Variants in RBM26 observed in about 807,000 individuals in gnomAD.
The protein encoded by RBM26 is RNA-binding protein 26.
RBM26 carries 30 observed loss-of-function variants against 123.6 expected under a neutral mutation model. The observed-to-expected ratio is 0.24, with a 90% CI of 0.18 to 0.33. The LOEUF (loss-of-function observed/expected upper bound fraction) is 0.33. RBM26 is among the 10% of genes least tolerant of loss of function. The pLI is 1.00. For synonymous variants in RBM26, 400 were observed against 404.4 expected (o/e 0.99, Z 0.13); for missense variants, 947 against 1,203.6 (o/e 0.79, Z 3.15).
At chr13:79,313,284 G>A (rs973103416) in exon 5 of RBM26, 7 of 151,746 alleles carry the variant, frequency 4.6e-5, no homozygotes, top group Non-Finnish European at 7.4e-5. Flanking sequence ...TTAAAAAAGC[G>A]CAGTGATCTT....
At chr13:79,378,390 G>A (rs1188290667) in intron 2 of RBM26, among the ~76,000 whole-genome samples, 1 of 151,916 alleles carries the variant, frequency 6.6e-6, no homozygotes, top group Non-Finnish European at 1.5e-5. Context: ...TTAAAATTAG[G>A]GCTTCTTACC....
chr13:79,405,051 A>G (rs1261520800), intron 1 of RBM26, among the ~76,000 whole-genome samples: 1 of 152,244 alleles, frequency 6.6e-6, no homozygotes, highest in Non-Finnish European at 1.5e-5. Flanking sequence ...AGACTATTTC[A>G]GCACTCTAAC....
At chr13:79,375,035 AT>A (rs36014800) in intron 3 of RBM26, among the ~76,000 whole-genome samples, 50,825 of 136,832 alleles carry the variant, frequency 0.37, 10,880 homozygotes, top group Middle Eastern at 0.54. Flanking sequence ...TATTTTATAC[AT>A]TTTTTATATA....
chr13:79,364,722 C>T (rs999071906), intron 9 of RBM26, among the ~76,000 whole-genome samples: 3 of 145,282 alleles, frequency 2.1e-5, no homozygotes, highest in East Asian at 1.9e-4. Flanking sequence ...CACTTTGCTG[C>T]CCTAGCTTGT....
Position 79,358,300 on chromosome 13 carries a change from G to C in RBM26, c.1663C>G (p.Arg555Gly). ...TGTAAGTTAACCAAGGTTCCAAATCGACTAAAATGTTCATTAAGTTTGCTG... is the reference window on the plus strand; with the variant it reads ...TGTAAGTTAACCAAGGTTCCAAATCCACTAAAATGTTCATTAAGTTTGCTG... ...NISKLNEHFS[R>G]FGTLVNLQVA... The change falls in exon 11 of 22, where the codon CGA (arginine) becomes GGA (glycine). Residue 555 changes from arginine (R) to glycine (G), a missense_variant. Arg to Gly is a moderately radical substitution (Grantham distance 125, BLOSUM62 -2). Around this residue, in one of 5 missense-constraint regions of RBM26, gnomAD observed 493 missense variants for 563.1 expected, o/e 0.88. Coordinates refer to ENST00000438737, the MANE Select transcript of RBM26 (RefSeq NM_001366735.2). The C allele has an allele frequency of 1.2e-6, 2 of 1,607,356 alleles. No individual in the cohort carries two copies. Among genetic ancestry groups the C allele is most frequent in the Non-Finnish European group, 1.7e-6 (2 of 1,177,792 alleles).
chr13:79,393,800 CA>C (rs2078309715), intron 1 of RBM26, among the ~76,000 whole-genome samples: 1 of 152,138 alleles, frequency 6.6e-6, no homozygotes, highest in Non-Finnish European at 1.5e-5. Flanking sequence ...GCAGGAGGCT[CA>C]CGAGAATGAT....
In RBM26 at chr13:79,371,863, C is replaced by G. The variant is rs751071471; in HGVS notation, c.395G>C (p.Ser132Thr). 2 of 1,610,978 alleles carry G rather than the reference C, an allele frequency of 1.2e-6. No homozygotes were observed. Among genetic ancestry groups the G allele is most frequent in the Non-Finnish European group, 8.5e-7 (1 of 1,177,698 alleles). ...TCACCTATTTTCCCTGTATCGGGAG[C>G]TTGACTGGGGAGGACTGTGATTTAG... ...RRLNHSPPQS[S>T]SRYRENRSRD... The change falls in exon 4 of 22, where the codon AGC becomes ACC. Residue 132 changes from serine to threonine, a missense_variant. This residue lies in a region of RBM26 where 275 missense variants were observed against 361.0 expected (regional missense o/e 0.76). Transcript: ENST00000438737.
intron 3 of RBM26, among the ~76,000 whole-genome samples, chr13:79,373,394 TAA>T (rs1491282078): frequency 2.3e-5 from 2 of 88,092 alleles, no homozygotes; most frequent in African/African-American, 4.6e-5. Context: ...TAAATATATA[TAA>T]TATATATTAT....
chr13:79,335,983 G>A (rs9545076), intron 19 of RBM26, among the ~76,000 whole-genome samples: 76,683 of 151,802 alleles, frequency 0.51, 19,768 homozygotes, highest in Middle Eastern at 0.6. Context: ...ACCAAGAACA[G>A]GACTTTAGAC....
At chr13:79,347,528 CAGAAA>C (rs1381006697) in intron 14 of RBM26, among the ~76,000 whole-genome samples, 1 of 152,106 alleles carries the variant, frequency 6.6e-6, no homozygotes, top group Non-Finnish European at 1.5e-5. Context: ...ACGAGCCCAA[CAGAAA>C]AGAAGATACT....
chr13:79,395,499 G>A (rs2078478412), intron 1 of RBM26, among the ~76,000 whole-genome samples: 1 of 152,028 alleles, frequency 6.6e-6, no homozygotes, highest in Non-Finnish European at 1.5e-5. Flanking sequence ...CAGCACTTTG[G>A]GAAGCTGAAT....
chr13:79,326,270 C>T (rs2068400414), intron 20 of RBM26, among the ~76,000 whole-genome samples: 1 of 152,132 alleles, frequency 6.6e-6, no homozygotes, highest in Admixed American at 6.6e-5. Flanking sequence ...TTAAAGTATG[C>T]TATGGCAGTG....
intron 9 of RBM26, among the ~76,000 whole-genome samples, chr13:79,363,013 T>G (rs1320942533): frequency 6.6e-6 from 1 of 152,172 alleles, no homozygotes; most frequent in Non-Finnish European, 1.5e-5. Context: ...TGACTAGAAA[T>G]GGAAAACTAC....
chr13:79,371,059 C>A lies in RBM26; in HGVS notation c.520G>T (p.Gly174Trp). 1.2e-6 allele frequency: 2 copies of A among 1,613,992 alleles called. No homozygotes were observed. Among genetic ancestry groups the A allele is most frequent in the Non-Finnish European group, 1.7e-6 (2 of 1,179,904 alleles). The change falls in exon 5 of 22, where the codon GGG (glycine) becomes TGG (tryptophan). Residue 174 changes from glycine to tryptophan, a missense_variant. Transcript: ENST00000438737. ...CTCCTGCTATAACTGCGACTCCGCC[C>A]TCGTCTTCTATTGTACCGGTCTCTG... Reference protein sequence around the residue: ...SYRDRYNRRRGRSRSYSRSRS... With the variant: ...SYRDRYNRRRWRSRSYSRSRS...
At position 79,337,183 on chromosome 13, in the gene RBM26, A is replaced by G. The variant is rs764272695; in HGVS notation, c.2652T>C (p.Ala884=). 6.2e-7 allele frequency: 1 copy of G among 1,614,156 alleles called. No homozygotes were observed. The highest frequency in any genetic ancestry group is 8.5e-7 in the Non-Finnish European group (1 of 1,180,012). Reference sequence around the variant, plus strand: ...ATGCCCTGGGACGGTGATCCACCACAGCATGACCAGGCACACCTCGCCCTC... The same window carrying G: ...ATGCCCTGGGACGGTGATCCACCACGGCATGACCAGGCACACCTCGCCCTC... ...RGRGRGVPGH[A]VVDHRPRALE... The change falls in exon 19 of 22, where the codon GCT becomes GCC. Residue 884 remains alanine (A), a synonymous_variant. Coordinates refer to ENST00000438737, the MANE Select transcript of RBM26 (RefSeq NM_001366735.2).
intron 1 of RBM26, among the ~76,000 whole-genome samples, chr13:79,392,218 AATT>A (rs1450789677): frequency 2.2e-5 from 1 of 45,042 alleles, no homozygotes; most frequent in African/African-American, 4.8e-5. Context: ...AATAATACAT[AATT>A]ATTATATAAT....
chr13:79,400,035 GA>G (rs1433807464), intron 1 of RBM26, among the ~76,000 whole-genome samples: 1 of 152,094 alleles, frequency 6.6e-6, no homozygotes, highest in Non-Finnish European at 1.5e-5. Context: ...TTCTAGTTTG[GA>G]ATCCATTAAC....
At chr13:79,389,352 T>C (rs1459974523) in intron 1 of RBM26, among the ~76,000 whole-genome samples, 1 of 152,022 alleles carries the variant, frequency 6.6e-6, no homozygotes, top group Non-Finnish European at 1.5e-5. Context: ...CTTCTACTAA[T>C]GAGAATAAAG....
chr13:79,357,736 G>T (rs2057573), intron 11 of RBM26, among the ~76,000 whole-genome samples: 76,694 of 151,888 alleles, frequency 0.5, 19,765 homozygotes, highest in Middle Eastern at 0.6. Flanking sequence ...TTTTACCAGT[G>T]TGATTAACTT....
Sources: allele counts gnomAD v4.1 joint callset (sites outside exome capture counted in the v4.1 genomes callset), GRCh38; gene constraint gnomAD v4.1.1; regional missense constraint gnomAD v4.1.1; transcripts MANE v1.5; gene names NCBI Gene and HGNC (gene_info 2026-07-23, HGNC 2026-07-21).